MOXD1: variants seen among roughly 807,000 people sequenced by gnomAD.
MOXD1 encodes the protein monooxygenase DBH like 1.
Under a neutral mutation model 66.6 loss-of-function variants are expected in MOXD1, and 62 were observed. The ratio of observed to expected loss-of-function variants is 0.93; its 90% CI spans 0.76 to 1.15. The LOEUF is 1.15. MOXD1 is among the 50% of genes most tolerant of loss of function. The probability of loss-of-function intolerance (pLI) is 0.00; values close to 1 mark genes in which losing one functional copy is unlikely to be tolerated. For missense variants in MOXD1, 847 were observed against 754.6 expected, an observed-to-expected ratio of 1.12 and a Z score of -1.44; for synonymous variants, 303 against 281.9, an observed-to-expected ratio of 1.07 and a Z score of -0.75.
intron 4 of MOXD1, among the ~76,000 whole-genome samples, chr6:132,341,554 G>A (rs1162384963): frequency 2.0e-5 from 3 of 152,098 alleles, no homozygotes; most frequent in Non-Finnish European, 4.4e-5. Context: ...CACACTGCCC[G>A]TCCTGTAGCT....
At chr6:132,391,841 C>T (rs1582612567) in intron 1 of MOXD1, 1 of 172,616 alleles carries the variant, frequency 5.8e-6, no homozygotes, top group Non-Finnish European at 1.2e-5. Context: ...CTGCCTGTTT[C>T]CTCAGGCTAA....
At chr6:132,335,281 T>A (rs533519020) in intron 4 of MOXD1, among the ~76,000 whole-genome samples, 46 of 131,302 alleles carry the variant, frequency 3.5e-4, no homozygotes, top group South Asian at 2.8e-3. Context: ...AGAAACATAT[T>A]TTTTTTTTTT....
intron 4 of MOXD1, among the ~76,000 whole-genome samples, chr6:132,339,549 A>G (rs966938625): frequency 1.3e-5 from 2 of 152,232 alleles, no homozygotes; most frequent in African/African-American, 4.8e-5. Flanking sequence ...TCCAGCATCA[A>G]TTCCCCAATA....
At chr6:132,367,994 C>A (rs569109324) in intron 4 of MOXD1, among the ~76,000 whole-genome samples, 1 of 151,904 alleles carries the variant, frequency 6.6e-6, no homozygotes, top group African/African-American at 2.4e-5. Context: ...TTTTTTTCTC[C>A]CCTTTGCCAT....
chr6:132,301,131 A>G (rs1310095590), intron 10 of MOXD1, among the ~76,000 whole-genome samples: 1 of 151,892 alleles, frequency 6.6e-6, no homozygotes, highest in Non-Finnish European at 1.5e-5. Flanking sequence ...AGAAATAAAA[A>G]GTTACATTTC....
In MOXD1 at chr6:132,360,515, T is replaced by C. The variant is rs536980109; in HGVS notation, c.663+12093A>G. Among the ~76,000 whole-genome samples, 145 of 152,340 alleles carry C rather than the reference T, an allele frequency of 9.5e-4. 2 individuals carry two copies. The South Asian group carries it at 0.019, about 20-fold the overall frequency. ...TGCTCACCACACCACTACTTCCACC[T>C]ACCTAAAATTCATCTACTCTGTGCT... On this transcript the variant is annotated intron_variant, in intron 4 of 11. Coordinates refer to ENST00000367963, the MANE Select transcript of MOXD1 (RefSeq NM_015529.4).
chr6:132,313,307 A>C (rs1774871204), intron 10 of MOXD1, among the ~76,000 whole-genome samples: 1 of 152,232 alleles, frequency 6.6e-6, no homozygotes, highest in African/African-American at 2.4e-5. Flanking sequence ...GTAAAAATGA[A>C]TTATAAAATC....
chr6:132,297,642 A>C, intron 11 of MOXD1, 145 bp downstream of exon 11: 1 of 999,426 alleles, frequency 1.0e-6, no homozygotes, highest in East Asian at 2.6e-5. Flanking sequence ...CAGTCAATCC[A>C]AGTAATCATT....
At chr6:132,396,543 T>C (rs1186895179) in intron 1 of MOXD1, among the ~76,000 whole-genome samples, 1 of 121,064 alleles carries the variant, frequency 8.3e-6, no homozygotes, top group Non-Finnish European at 1.6e-5. Flanking sequence ...AGAGCAACAC[T>C]AAACAAAACA....
intron 4 of MOXD1, among the ~76,000 whole-genome samples, chr6:132,342,538 T>A (rs1311624547): frequency 6.6e-6 from 1 of 152,188 alleles, no homozygotes; most frequent in Admixed American, 6.5e-5. Context: ...AAAGCCTTTG[T>A]TATTTGTGTA....
intron 4 of MOXD1, among the ~76,000 whole-genome samples, chr6:132,367,129 C>T (rs530484899): frequency 7.0e-4 from 106 of 152,144 alleles, no homozygotes; most frequent in African/African-American, 2.4e-3. Flanking sequence ...CTCAACTTCA[C>T]ATTTCTCCAA....
chr6:132,296,269 G>A lies in MOXD1; in HGVS notation c.*884C>T, dbSNP rs1774395498. 6.6e-6 allele frequency: 1 copy of A among 152,106 alleles called. No homozygotes were observed. The highest frequency in any genetic ancestry group is 1.5e-5 in the Non-Finnish European group (1 of 68,024). The allele number at this position is 152,106 out of a possible 1,614,324, so 9.4% of individuals were successfully genotyped here. A position where few individuals can be genotyped will look rare whatever the true frequency, so the allele number is the denominator to read the frequency against. ...AACTGAGCCAGTATGTGGTACATGT[G>A]TCACCCAAAGTCAGCAAGGAACCAT... On this transcript the variant is annotated 3_prime_UTR_variant, in exon 12 of 12. Transcript: ENST00000367963.
chr6:132,315,485 A>G (rs1774924112), intron 10 of MOXD1, 150 bp downstream of exon 10: 1 of 901,662 alleles, frequency 1.1e-6, no homozygotes, highest in African/African-American at 1.7e-5. Flanking sequence ...AGTAATCAAA[A>G]AGGTTACTTG....
chr6:132,325,661 G>A (rs377470394), intron 6 of MOXD1, among the ~76,000 whole-genome samples: 8 of 152,250 alleles, frequency 5.3e-5, no homozygotes, highest in African/African-American at 1.9e-4. Flanking sequence ...TCTTATAGCA[G>A]CACAGAACAG....
At chr6:132,334,082 C>T (rs1055767580) in intron 4 of MOXD1, among the ~76,000 whole-genome samples, 3 of 152,208 alleles carry the variant, frequency 2.0e-5, no homozygotes, top group Non-Finnish European at 4.4e-5. Context: ...CTAATCTCAT[C>T]ATCTCTTCTT....
At chr6:132,376,248 A>G (rs899901995) in intron 1 of MOXD1, among the ~76,000 whole-genome samples, 1 of 152,206 alleles carries the variant, frequency 6.6e-6, no homozygotes, top group Admixed American at 6.5e-5. Context: ...TATTTGAAGA[A>G]TTTATAGCTA....
intron 7 of MOXD1, 123 bp downstream of exon 7, chr6:132,323,808 G>A: frequency 1.8e-6 from 2 of 1,088,838 alleles, no homozygotes; most frequent in Admixed American, 2.9e-5. Context: ...ATTGCGATAA[G>A]GGTTTCACAG....
chr6:132,365,376 C>G (rs550879491), intron 4 of MOXD1, among the ~76,000 whole-genome samples: 1 of 152,258 alleles, frequency 6.6e-6, no homozygotes, highest in African/African-American at 2.4e-5. Context: ...GTATTTTCAC[C>G]TCAGCATGCC....
intron 10 of MOXD1, among the ~76,000 whole-genome samples, chr6:132,305,172 C>T (rs1774659929): frequency 6.6e-6 from 1 of 152,232 alleles, no homozygotes; most frequent in South Asian, 2.1e-4. Context: ...GTGCTTTTCC[C>T]CTGCTGGAGC....
Sources: gnomAD v4.1 joint callset for allele counts (sites outside exome capture counted in the v4.1 genomes callset) on GRCh38, gnomAD v4.1.1 for gene constraint, MANE v1.5 for transcripts, NCBI Gene and HGNC (gene_info 2026-07-23, HGNC 2026-07-21) for gene names.